RPS6KA5: variants seen among roughly 807,000 people sequenced by gnomAD.
RPS6KA5 encodes ribosomal protein S6 kinase alpha-5.
Under a neutral mutation model 85.5 loss-of-function variants are expected in RPS6KA5, and 27 were observed. That is an observed-to-expected ratio of 0.32 (90% CI 0.23 to 0.44). The LOEUF (loss-of-function observed/expected upper bound fraction) is 0.44, where lower values mean the gene tolerates loss of function less well. Among genes scored for constraint, RPS6KA5 ranks in the 20% least tolerant of loss-of-function variants. The probability of loss-of-function intolerance (pLI) is 1.00; values close to 1 mark genes in which losing one functional copy is unlikely to be tolerated. For missense variants in RPS6KA5, 811 were observed against 980.9 expected (o/e 0.83, Z 2.31); for synonymous variants, 334 against 348.2 (o/e 0.96, Z 0.46).
chr14:90,863,391 G>A lies in RPS6KA5; in HGVS notation c.*8683C>T, dbSNP rs1238013544. 5.4e-5 allele frequency: 8 copies of A among 148,504 alleles called. No individual in the cohort carries two copies. In the East Asian group the frequency reaches 1.6e-3, roughly 29 times the overall value. 9.2% of individuals were successfully genotyped at this position (148,504 alleles called of 1,614,324 possible). A position where few individuals can be genotyped will look rare whatever the true frequency, so the allele number is the denominator to read the frequency against. On this transcript the variant is annotated 3_prime_UTR_variant, in exon 17 of 17. Coordinates refer to ENST00000614987, the MANE Select transcript of RPS6KA5 (RefSeq NM_004755.4). ...GAAAAATATTGAATTCTTATTCTGA[G>A]TTGAAGAAGTTTAAGGAGTCCATTG...
chr14:91,034,925 G>GA (rs200013477), intron 1 of RPS6KA5, among the ~76,000 whole-genome samples: 2,365 of 145,124 alleles, frequency 0.016, 23 homozygotes, highest in South Asian at 0.04. Flanking sequence ...CCACAAAAAA[G>GA]AAAAAAAAAA....
In RPS6KA5 at chr14:90,860,850, A is replaced by T. The variant is rs1566661579; in HGVS notation, c.*11224T>A. The T allele has an allele frequency of 6.6e-6, 1 of 152,090 alleles. No homozygotes were observed. Among genetic ancestry groups the T allele is most frequent in the Non-Finnish European group, 1.5e-5 (1 of 68,050 alleles). 9.4% of individuals were successfully genotyped at this position (152,090 alleles called of 1,614,324 possible). On this transcript the variant is annotated 3_prime_UTR_variant, in exon 17 of 17. Transcript: ENST00000614987. Reference sequence around the variant, plus strand: ...GGCAGGATGGAAAGAAAAACACCAGAAAACATAAATATGTGAGCAAACAAA... The same window carrying T: ...GGCAGGATGGAAAGAAAAACACCAGTAAACATAAATATGTGAGCAAACAAA...
intron 14 of RPS6KA5, among the ~76,000 whole-genome samples, chr14:90,880,746 G>A (rs1275608227): frequency 1.3e-5 from 2 of 151,482 alleles, no homozygotes; most frequent in Non-Finnish European, 2.9e-5. Context: ...AGGTGTACAA[G>A]TGTTTGTAAT....
intron 14 of RPS6KA5, among the ~76,000 whole-genome samples, chr14:90,878,015 C>T (rs915993813): frequency 1.3e-5 from 2 of 152,172 alleles, no homozygotes; most frequent in South Asian, 2.1e-4. Flanking sequence ...CCTTTCTTCA[C>T]GATCTTATTC....
intron 1 of RPS6KA5, among the ~76,000 whole-genome samples, chr14:91,030,796 T>C (rs1300470834): frequency 1.3e-5 from 2 of 151,802 alleles, no homozygotes; most frequent in Non-Finnish European, 2.9e-5. Flanking sequence ...TAGAAAACTT[T>C]TAAATCTGTA....
intron 7 of RPS6KA5, among the ~76,000 whole-genome samples, chr14:90,918,157 G>T (rs903544025): frequency 6.6e-6 from 1 of 152,174 alleles, no homozygotes. Context: ...TGCAGTGTAT[G>T]AAAGTTCCAG....
In RPS6KA5 at chr14:90,939,180, T is replaced by C. The variant is rs190341132; in HGVS notation, c.618+3898A>G. Among the ~76,000 whole-genome samples, 5 of 152,352 alleles carry C rather than the reference T, an allele frequency of 3.3e-5. 1 individual carries two copies. The highest frequency in any genetic ancestry group is 2.6e-4 in the Admixed American group (4 of 15,308). ...TAGGGCAGGGGCAAAATGCCACCAG[T>C]CTCTTTGCTAAAACATTACAAGAGT... On this transcript the variant is annotated intron_variant, in intron 5 of 16. Transcript: ENST00000614987.
intron 2 of RPS6KA5, among the ~76,000 whole-genome samples, chr14:90,999,003 G>A (rs1015429912): frequency 1.3e-5 from 2 of 152,178 alleles, no homozygotes; most frequent in Non-Finnish European, 2.9e-5. Context: ...GCTGAGGAGG[G>A]TGGATCACGA....
intron 3 of RPS6KA5, among the ~76,000 whole-genome samples, chr14:90,958,794 A>G (rs1354716683): frequency 6.6e-6 from 1 of 151,420 alleles, no homozygotes; most frequent in Non-Finnish European, 1.5e-5. Flanking sequence ...TCCATTCAGG[A>G]AAAAAAAATA....
chr14:91,022,373 T>C (rs928050363), intron 1 of RPS6KA5, among the ~76,000 whole-genome samples: 1 of 152,222 alleles, frequency 6.6e-6, no homozygotes, highest in African/African-American at 2.4e-5. Flanking sequence ...ATATCAATAA[T>C]GTCCATGTCT....
chr14:90,994,713 A>C (rs2140546451), intron 2 of RPS6KA5, among the ~76,000 whole-genome samples: 1 of 151,792 alleles, frequency 6.6e-6, no homozygotes, highest in Non-Finnish European at 1.5e-5. Flanking sequence ...CTGGGAGTAC[A>C]GGTGCCCGCC....
At chr14:90,957,542 C>T (rs1421128065) in intron 3 of RPS6KA5, among the ~76,000 whole-genome samples, 2 of 152,294 alleles carry the variant, frequency 1.3e-5, no homozygotes, top group East Asian at 3.9e-4. Flanking sequence ...GTTAGGCTGT[C>T]TGCCTCTTGC....
intron 1 of RPS6KA5, among the ~76,000 whole-genome samples, chr14:91,051,836 TAGAAG>T (rs1296237913): frequency 6.6e-6 from 1 of 151,066 alleles, no homozygotes; most frequent in Non-Finnish European, 1.5e-5. Flanking sequence ...CAACTAGGAA[TAGAAG>T]AGAACTTTGT....
At chr14:90,919,888 A>G (rs921999020) in intron 7 of RPS6KA5, among the ~76,000 whole-genome samples, 5 of 152,226 alleles carry the variant, frequency 3.3e-5, no homozygotes, top group Admixed American at 6.5e-5. Flanking sequence ...AGAAAAAAGT[A>G]TCCATTAAAT....
chr14:90,902,904 A>T lies in RPS6KA5; in HGVS notation c.1023T>A (p.Asp341Glu), dbSNP rs2035256085. ...CTGCAAAGTTACTCACATCTAATTC[A>T]TCTCGAATGACTGGCTTAAATGGTG... is the stretch of plus-strand genomic sequence containing the variant. The part of the protein sequence containing the change: ...VPAPFKPVIR[D>E]ELDVSNFAEE... Residue 341 changes from aspartate to glutamate, a missense_variant, in exon 9 of 17, where the codon GAT becomes GAA. Physicochemically the swap from Asp to Glu is conservative, Grantham distance 45. Coordinates refer to ENST00000614987, the MANE Select transcript of RPS6KA5 (RefSeq NM_004755.4). 1 of 1,613,804 alleles carries T rather than the reference A, an allele frequency of 6.2e-7. No homozygotes were observed. The highest frequency in any genetic ancestry group is 1.1e-5 in the South Asian group (1 of 91,066).
chr14:90,959,750 T>C (rs991747441), intron 3 of RPS6KA5, among the ~76,000 whole-genome samples: 5 of 152,230 alleles, frequency 3.3e-5, no homozygotes, highest in African/African-American at 1.2e-4. Context: ...TGAAATTATG[T>C]AAACTGTTTG....
Position 90,848,006 on chromosome 14 carries a change from A to G in RPS6KA5, c.*24068T>C, listed in dbSNP as rs1013576557. 6.6e-6 allele frequency: 1 copy of G among 152,256 alleles called. No homozygotes were observed. Among genetic ancestry groups the G allele is most frequent in the Non-Finnish European group, 1.5e-5 (1 of 68,042 alleles). The allele number at this position is 152,256 out of a possible 1,614,324, so 9.4% of individuals were successfully genotyped here. A position where few individuals can be genotyped will look rare whatever the true frequency, so the allele number is the denominator to read the frequency against. Reference sequence around the variant, plus strand: ...AGCTTTCCGGTCAAATTCCCGAAACATGAAAACATCACATTTCTACAATAC... The same window carrying G: ...AGCTTTCCGGTCAAATTCCCGAAACGTGAAAACATCACATTTCTACAATAC... On this transcript the variant is annotated 3_prime_UTR_variant, in exon 17 of 17. Transcript: ENST00000614987.
chr14:90,936,426 T>C (rs912328270), intron 5 of RPS6KA5, among the ~76,000 whole-genome samples: 1 of 152,084 alleles, frequency 6.6e-6, no homozygotes, highest in Non-Finnish European at 1.5e-5. Context: ...TAGCCGGGCA[T>C]AGTGGCATGT....
intron 14 of RPS6KA5, among the ~76,000 whole-genome samples, chr14:90,887,284 G>A (rs916955463): frequency 1.3e-5 from 2 of 152,218 alleles, no homozygotes; most frequent in Non-Finnish European, 2.9e-5. Flanking sequence ...GGGCTCAAGT[G>A]AGCCTCTCAC....
Sources: allele counts gnomAD v4.1 joint callset (sites outside exome capture counted in the v4.1 genomes callset), GRCh38; gene constraint gnomAD v4.1.1; transcripts MANE v1.5; gene names NCBI Gene and HGNC (gene_info 2026-07-23, HGNC 2026-07-21).